The following CADPS variants were observed in gnomAD, a reference collection of about 807,000 sequenced individuals.
The protein encoded by CADPS is calcium-dependent secretion activator 1.
A neutral mutation model predicts 167.3 loss-of-function variants in CADPS; 57 were observed. The observed-to-expected ratio is 0.34, with a 90% CI of 0.28 to 0.42. CADPS has a LOEUF of 0.42. Among genes scored for constraint, CADPS ranks in the 20% least tolerant of loss-of-function variants. The pLI is 1.00. For missense variants in CADPS, 1,414 were observed against 1,738.1 expected (o/e 0.81, Z 3.32); for synonymous variants, 676 against 635.3 (o/e 1.06, Z -0.96).
At chr3:62,869,575 G>C (rs1295838808) in intron 1 of CADPS, among the ~76,000 whole-genome samples, 1 of 151,998 alleles carries the variant, frequency 6.6e-6, no homozygotes, top group Non-Finnish European at 1.5e-5. Flanking sequence ...CCAATCCTGT[G>C]TGTGCATGCA....
rs61586697 is a variant in CADPS at position 62,474,153 on chromosome 3, ATTTT to A, written c.3477+16_3477+19del. ...AATGAAGAGGGAAAAAAAAATCTGTATTTTTTTTTTTTTTTTTACCTCTTGGCCC... is the reference window on the plus strand; with the variant it reads ...AATGAAGAGGGAAAAAAAAATCTGTATTTTTTTTTTTTTACCTCTTGGCCC... On this transcript the variant is annotated intron_variant, in intron 24 of 29. Coordinates refer to ENST00000383710, the MANE Select transcript of CADPS (RefSeq NM_003716.4). 9.2e-4 allele frequency: 678 copies of A among 738,026 alleles called. No individual in the cohort carries two copies. Among genetic ancestry groups the A allele is most frequent in the South Asian group, 1.7e-3 (62 of 35,438 alleles). The allele number at this position is 738,026 out of a possible 1,614,324, so 45.7% of individuals were successfully genotyped here. A position where few individuals can be genotyped will look rare whatever the true frequency, so the allele number is the denominator to read the frequency against.
chr3:62,431,945 ATCT>A (rs1164628019), intron 28 of CADPS, among the ~76,000 whole-genome samples: 4 of 151,980 alleles, frequency 2.6e-5, no homozygotes, highest in Non-Finnish European at 4.4e-5. Context: ...CAACATTTTA[ATCT>A]TCTTATTTTT....
At chr3:62,773,157 A>G (rs1431724132) in intron 1 of CADPS, among the ~76,000 whole-genome samples, 3 of 151,998 alleles carry the variant, frequency 2.0e-5, no homozygotes, top group African/African-American at 7.2e-5. Context: ...TCAAAAATTT[A>G]TATTGGGCCA....
At chr3:62,833,606 G>A (rs113041728) in intron 1 of CADPS, among the ~76,000 whole-genome samples, 1 of 152,000 alleles carries the variant, frequency 6.6e-6, no homozygotes, top group Admixed American at 6.6e-5. Flanking sequence ...GTTTACACTG[G>A]TATAATATAG....
chr3:62,672,539 C>G (rs2075713494), intron 3 of CADPS, among the ~76,000 whole-genome samples: 1 of 152,186 alleles, frequency 6.6e-6, no homozygotes, highest in African/African-American at 2.4e-5. Context: ...TCTCTACGCT[C>G]AGACCATTCT....
intron 1 of CADPS, among the ~76,000 whole-genome samples, chr3:62,767,434 TAGC>T (rs1265838182): frequency 3.9e-5 from 6 of 152,230 alleles, no homozygotes; most frequent in African/African-American, 1.4e-4. Context: ...GGGATAGTTA[TAGC>T]TATTCAATAA....
chr3:62,486,353 G>A (rs748742766), intron 21 of CADPS, among the ~76,000 whole-genome samples: 1 of 149,268 alleles, frequency 6.7e-6, no homozygotes, highest in African/African-American at 2.5e-5. Context: ...GCTGAGGCAG[G>A]AGAATCGCTT....
chr3:62,807,015 A>G (rs573048620), intron 1 of CADPS, among the ~76,000 whole-genome samples: 1 of 152,216 alleles, frequency 6.6e-6, no homozygotes, highest in African/African-American at 2.4e-5. Context: ...GATGACTTCA[A>G]TGAGTCTTTA....
chr3:62,762,438 C>T (rs1246590023), intron 2 of CADPS, among the ~76,000 whole-genome samples: 1 of 152,038 alleles, frequency 6.6e-6, no homozygotes, highest in Non-Finnish European at 1.5e-5. Context: ...GGGTGGATCA[C>T]TTGAGCCCAG....
intron 1 of CADPS, among the ~76,000 whole-genome samples, chr3:62,856,903 T>A (rs1338476171): frequency 6.0e-5 from 9 of 150,364 alleles, no homozygotes; most frequent in African/African-American, 2.2e-4. Context: ...AGAAGATAGG[T>A]ATGAGCAGTT....
Position 62,536,579 on chromosome 3 carries a change from C to G in CADPS, c.1969G>C (p.Ala657Pro). 6.2e-7 allele frequency: 1 copy of G among 1,612,800 alleles called. No individual in the cohort carries two copies. Among genetic ancestry groups the G allele is most frequent in the Non-Finnish European group, 8.5e-7 (1 of 1,179,138 alleles). Residue 657 changes from alanine (A) to proline (P), a missense_variant and splice_region_variant, in exon 12 of 30, where the codon GCA becomes CCA. Physicochemically the swap from Ala to Pro is conservative, Grantham distance 27. This residue lies in a region of CADPS where 529 missense variants were observed against 629.6 expected (regional missense o/e 0.84). Transcript: ENST00000383710. ...QLDAPISQFY[A>P]DRAQKHGMDE... ...ATGCCATGTTTTTGAGCTCTATCTG[C>G]GTCTGTTCATTTATACATGTAGAGA...
chr3:62,760,736 A>G (rs572539637), intron 2 of CADPS, among the ~76,000 whole-genome samples: 153 of 152,292 alleles, frequency 1.0e-3, no homozygotes, highest in Non-Finnish European at 1.5e-3. Context: ...ATTAGAAAAT[A>G]TATTGCTTCA....
At chr3:62,424,191 T>C (rs2052102320) in intron 28 of CADPS, among the ~76,000 whole-genome samples, 1 of 119,648 alleles carries the variant, frequency 8.4e-6, no homozygotes, top group Non-Finnish European at 1.8e-5. Context: ...GATAATTCAC[T>C]TTTTTTTTTT....
At chr3:62,794,079 A>G (rs1476074624) in intron 1 of CADPS, among the ~76,000 whole-genome samples, 1 of 152,196 alleles carries the variant, frequency 6.6e-6, no homozygotes, top group Non-Finnish European at 1.5e-5. Flanking sequence ...GACTAGTGGA[A>G]TCCAGCGATA....
Position 62,514,191 on chromosome 3 carries a change from T to C in CADPS, c.2582-1423A>G, listed in dbSNP as rs2068472179. Among the ~76,000 whole-genome samples, 1 of 152,076 alleles carries C rather than the reference T, an allele frequency of 6.6e-6. No homozygotes were observed. Among genetic ancestry groups the C allele is most frequent in the South Asian group, 2.1e-4 (1 of 4,836 alleles). Reference sequence around the variant, plus strand: ...AAAGATTTCTTCTCTGAGGGTAGGATCAGAGCCTTGTAAAAGAAAGTTGTC... The same window carrying C: ...AAAGATTTCTTCTCTGAGGGTAGGACCAGAGCCTTGTAAAAGAAAGTTGTC... On this transcript the variant is annotated intron_variant, in intron 16 of 29. Coordinates refer to ENST00000383710, the MANE Select transcript of CADPS (RefSeq NM_003716.4). This position sits in a 1 kb window ranked among gnomAD's most constrained non-coding sequence, Gnocchi z 4.2.
chr3:62,774,633 A>C (rs2089814545), intron 1 of CADPS, among the ~76,000 whole-genome samples: 1 of 152,272 alleles, frequency 6.6e-6, no homozygotes, highest in Admixed American at 6.5e-5. Context: ...CATATGTTAA[A>C]CTGAAATAAT....
At chr3:62,604,998 T>G (rs1382883747) in intron 6 of CADPS, among the ~76,000 whole-genome samples, 1 of 152,250 alleles carries the variant, frequency 6.6e-6, no homozygotes, top group African/African-American at 2.4e-5. Context: ...TAACCTGAGC[T>G]GTTTGTTATG....
intron 24 of CADPS, among the ~76,000 whole-genome samples, chr3:62,471,582 CTGACCAGGTA>C (rs1450400492): frequency 6.6e-6 from 1 of 152,138 alleles, no homozygotes; most frequent in Non-Finnish European, 1.5e-5. Context: ...GTTTAACCAT[CTGACCAGGTA>C]TGTGGGAGCT....
rs143597279 is a variant in CADPS, at chr3:62,729,923, T to C, written c.888+23518A>G. The stretch of plus-strand genomic sequence containing the variant: ...TCCTTGTATTGAGTGAGTCTAGTTC[T>C]GGCCAGTGGGTTGTGAGAGCAAGTG... On this transcript the variant is annotated intron_variant, in intron 3 of 29. Transcript: ENST00000383710. Among the ~76,000 whole-genome samples the C allele has an allele frequency of 3.3e-5, 5 of 151,760 alleles. No individual in the cohort carries two copies. The East Asian group carries it at 7.7e-4, about 23-fold the overall frequency.
Sources: gnomAD v4.1 joint callset for allele counts (sites outside exome capture counted in the v4.1 genomes callset) on GRCh38, gnomAD v4.1.1 for gene constraint, gnomAD v4.1.1 regional missense constraint, Gnocchi (gnomAD v3.1) non-coding constraint, MANE v1.5 for transcripts, NCBI Gene and HGNC (gene_info 2026-07-23, HGNC 2026-07-21) for gene names.